ACTN3: variants seen among roughly 807,000 people sequenced by gnomAD.
ACTN3 encodes actinin alpha 3.
In ACTN3, 91 loss-of-function variants were observed where a neutral mutation model predicts 119.6. The observed-to-expected ratio is 0.76, with a 90% CI of 0.64 to 0.91. The LOEUF (loss-of-function observed/expected upper bound fraction) is 0.91. Among genes scored for constraint, ACTN3 ranks in the 40% least tolerant of loss-of-function variants. The pLI is 0.00. For synonymous variants in ACTN3, 456 were observed against 478.8 expected (o/e 0.95, Z 0.62); for missense variants, 1,221 against 1,215.1 (o/e 1.00, Z -0.07).
rs373559300 is a variant in ACTN3, at chr11:66,555,255, C to T, written c.637-31C>T. ...GCCCAAGGCCTCTGCCTGCAGCTGA[C>T]CTTTCACCCTCCTCCCTTACACCCT... On this transcript the variant is annotated intron_variant, in intron 6 of 20. Coordinates refer to ENST00000513398, the MANE Select transcript of ACTN3 (RefSeq NM_001104.4). 5 of 1,613,912 alleles carry T rather than the reference C, an allele frequency of 3.1e-6. No individual in the cohort carries two copies. The African/African-American group carries it at 6.7e-5, about 22-fold the overall frequency.
intron 9 of ACTN3, 94 bp from the exon 10 acceptor site, chr11:66,557,605 C>A: frequency 7.3e-7 from 1 of 1,366,166 alleles, no homozygotes; most frequent in Non-Finnish European, 1.0e-6. Context: ...CCCACCTACA[C>A]TCTGGCCACA....
chr11:66,551,602 T>G lies in ACTN3; in HGVS notation c.337T>G (p.Phe113Val). The G allele has an allele frequency of 6.2e-7, 1 of 1,614,070 alleles. No homozygotes were observed. Among genetic ancestry groups the G allele is most frequent in the African/African-American group, 1.3e-5 (1 of 75,060 alleles). The change falls in exon 3 of 21, where the codon TTC becomes GTC. Residue 113 changes from phenylalanine (F) to valine (V), a missense_variant. This residue lies in a region of ACTN3 where 239 missense variants were observed against 231.8 expected (regional missense o/e 1.03). Coordinates refer to ENST00000513398, the MANE Select transcript of ACTN3 (RefSeq NM_001104.4). ...KIANVNKALD[F>V]IASKGVKLVS... ...CGCCAACGTTAACAAGGCCCTGGAC[T>G]TCATTGCCAGCAAGGGGGTTAAACT...
In ACTN3 at chr11:66,562,146, C is replaced by T. The variant is rs1165609853; in HGVS notation, c.2300C>T (p.Ala767Val). 5 of 1,614,042 alleles carry T rather than the reference C, an allele frequency of 3.1e-6. No homozygotes were observed. ...CAGGAGCAGCTCAACGAGTTCCGAGCATCCTTCAACCACTTTGACAGGGTC... is the reference window on the plus strand; with the variant it reads ...CAGGAGCAGCTCAACGAGTTCCGAGTATCCTTCAACCACTTTGACAGGGTC... ...LSQEQLNEFR[A>V]SFNHFDRKQN... The change falls in exon 18 of 21, where the codon GCA (alanine) becomes GTA (valine). Residue 767 changes from alanine (A) to valine (V), a missense_variant. Physicochemically the swap from Ala to Val is moderately conservative, Grantham distance 64 (BLOSUM62 0). This residue lies in a region of ACTN3 where 934 missense variants were observed against 899.9 expected (regional missense o/e 1.04). Coordinates refer to ENST00000513398, the MANE Select transcript of ACTN3 (RefSeq NM_001104.4).
chr11:66,559,260 G>A lies in ACTN3; in HGVS notation c.1301G>A (p.Arg434His). The part of the protein sequence containing the change: ...TRGKEEMLSQ[R>H]DYDSALLQEV... ...GGAAAGGAGGAGATGCTGAGCCAGCGCGACTACGATTCGGCTTTGCTACAG... is the reference window on the plus strand; with the variant it reads ...GGAAAGGAGGAGATGCTGAGCCAGCACGACTACGATTCGGCTTTGCTACAG... Residue 434 changes from arginine to histidine, a missense_variant, in exon 12 of 21, where the codon CGC becomes CAC. Physicochemically the swap from Arg to His is conservative, Grantham distance 29. This residue lies in a region of ACTN3 where 934 missense variants were observed against 899.9 expected (regional missense o/e 1.04). Coordinates refer to ENST00000513398, the MANE Select transcript of ACTN3 (RefSeq NM_001104.4). 4 of 1,560,472 alleles carry A rather than the reference G, an allele frequency of 2.6e-6. No homozygotes were observed. In the South Asian group the frequency reaches 4.7e-5, roughly 18 times the overall value.
Position 66,556,164 on chromosome 11 carries a change from GC to G in ACTN3, c.740del (p.Pro247ArgfsTer7). The G allele has an allele frequency of 6.2e-7, 1 of 1,613,796 alleles. No individual in the cohort carries two copies. Among genetic ancestry groups the G allele is most frequent in the Non-Finnish European group, 8.5e-7 (1 of 1,179,850 alleles). ...DAEDIVNTPK[P>X]DEKAIMTYVS... ...CCCTAGACATTGTGAACACCCCAAA[GC>G]CGGATGAGAAGGCCATCATGACCTA... On this transcript the variant is annotated frameshift_variant, in exon 8 of 21. Transcript: ENST00000513398. LOFTEE classifies it high-confidence loss of function.
chr11:66,555,355 T>C lies in ACTN3; in HGVS notation c.706T>C (p.Leu236=), dbSNP rs61890370. Residue 236 remains leucine (L), a synonymous_variant, in exon 7 of 21, where the codon TTG becomes CTG. Transcript: ENST00000513398. ...GAAATACCTGGACATCCCCAAGATGTTGGATGCAGAAGGTGAGAGTGAGCT... is the reference window on the plus strand; with the variant it reads ...GAAATACCTGGACATCCCCAAGATGCTGGATGCAGAAGGTGAGAGTGAGCT... The part of the protein sequence containing the change: ...AEKYLDIPKM[L]DAEDIVNTPK... 5 of 1,613,984 alleles carry C rather than the reference T, an allele frequency of 3.1e-6. No homozygotes were observed. The highest frequency in any genetic ancestry group is 4.2e-6 in the Non-Finnish European group (5 of 1,180,000).
Position 66,561,556 on chromosome 11 carries a change from C to T in ACTN3, c.2094C>T (p.Asn698=). Residue 698 remains asparagine (N), a synonymous_variant, in exon 17 of 21, where the codon AAC becomes AAT. Transcript: ENST00000513398. ...QEQNIINYKT[N]IDRLEGDHQL... ...AGAACATTATCAACTACAAGACTAA[C>T]ATTGACCGGCTGGAGGGTGACCACC... 1.2e-6 allele frequency: 2 copies of T among 1,612,704 alleles called. No individual in the cohort carries two copies. The highest frequency in any genetic ancestry group is 1.7e-6 in the Non-Finnish European group (2 of 1,179,398).
chr11:66,549,732 C>CA (rs61393902), intron 1 of ACTN3, among the ~76,000 whole-genome samples: 32,931 of 43,758 alleles, frequency 0.75, 11,699 homozygotes, highest in South Asian at 0.91. Context: ...ACTCTGTCTC[C>CA]AAAAAAAAAA....
At chr11:66,561,784 C>A in intron 17 of ACTN3, 147 bp downstream of exon 17, 1 of 1,125,008 alleles carries the variant, frequency 8.9e-7, no homozygotes, top group Non-Finnish European at 1.2e-6. Flanking sequence ...TGGAAAGTGA[C>A]CCTTCCAGAG....
Position 66,560,707 on chromosome 11 carries a change from T to C in ACTN3, c.1812T>C (p.Asn604=). The change falls in exon 15 of 21, where the codon AAT becomes AAC. Residue 604 remains asparagine, a synonymous_variant. Coordinates refer to ENST00000513398, the MANE Select transcript of ACTN3 (RefSeq NM_001104.4). ...QTYGLRPCST[N]PYITLSPQDI... is the part of the protein sequence containing the mutation. ...ATGGGCTGCGGCCCTGCTCCACCAA[T>C]CCCTACATCACCCTCAGCCCGCAGG... The C allele has an allele frequency of 1.2e-6, 2 of 1,613,718 alleles. No homozygotes were observed. Among genetic ancestry groups the C allele is most frequent in the Non-Finnish European group, 1.7e-6 (2 of 1,179,798 alleles).
In ACTN3 at chr11:66,560,611, G is replaced by A; in HGVS notation, c.1716G>A (p.Leu572=). The change falls in exon 15 of 21, where the codon CTG becomes CTA. Residue 572 remains leucine, a synonymous_variant. Coordinates refer to ENST00000513398, the MANE Select transcript of ACTN3 (RefSeq NM_001104.4). ...LTAHDQFKAT[L]PEADRERGAI... ...CGCACGATCAGTTCAAGGCAACACT[G>A]CCCGAGGCTGACCGAGAGCGAGGTG... is the stretch of plus-strand genomic sequence containing the variant. 6.2e-7 allele frequency: 1 copy of A among 1,613,548 alleles called. No homozygotes were observed. The highest frequency in any genetic ancestry group is 8.5e-7 in the Non-Finnish European group (1 of 1,179,864).
intron 11 of ACTN3, 113 bp downstream of exon 11, chr11:66,558,287 A>G: frequency 1.4e-6 from 2 of 1,451,532 alleles, no homozygotes; most frequent in Non-Finnish European, 1.8e-6. Context: ...GGTGCTCTGC[A>G]GGAAAGCCAG....
At chr11:66,558,309 C>A in intron 11 of ACTN3, 135 bp downstream of exon 11, 1 of 1,310,164 alleles carries the variant, frequency 7.6e-7, no homozygotes, top group Non-Finnish European at 1.0e-6. Context: ...GACTGGATTT[C>A]TAGTCCCACC....
chr11:66,551,752 A>C (rs1250047878), intron 3 of ACTN3, 105 bp downstream of exon 3: 1 of 1,499,300 alleles, frequency 6.7e-7, no homozygotes, highest in Non-Finnish European at 9.0e-7. Flanking sequence ...CAATGAGAAT[A>C]ATCCCTGCCT....
In ACTN3 at chr11:66,563,261, CCT is replaced by C; in HGVS notation, c.*70_*71del. The C allele has an allele frequency of 6.6e-7, 1 of 1,508,150 alleles. No individual in the cohort carries two copies. The highest frequency in any genetic ancestry group is 2.3e-5 in the East Asian group (1 of 43,464). The allele number at this position is 1,508,150 out of a possible 1,614,324, so 93.4% of individuals were successfully genotyped here. ...CACCCTGTGGCTGATCCCATCCGTCCCTCGGAGCAAGGGCCTAAGAGAAAAGC... is the reference window on the plus strand; with the variant it reads ...CACCCTGTGGCTGATCCCATCCGTCCCGGAGCAAGGGCCTAAGAGAAAAGC... On this transcript the variant is annotated 3_prime_UTR_variant, in exon 21 of 21. Transcript: ENST00000513398.
At chr11:66,555,818 G>A (rs989967833) in intron 7 of ACTN3, among the ~76,000 whole-genome samples, 4 of 152,222 alleles carry the variant, frequency 2.6e-5, no homozygotes, top group Admixed American at 2.6e-4. Flanking sequence ...GGACTTGGGG[G>A]AAAGACACAC....
In ACTN3 at chr11:66,555,222, C is replaced by T. The variant is rs771649797; in HGVS notation, c.636+14C>T. 2.4e-5 allele frequency: 39 copies of T among 1,613,988 alleles called. No homozygotes were observed. Among genetic ancestry groups the T allele is most frequent in the Non-Finnish European group, 3.3e-5 (39 of 1,179,896 alleles). On this transcript the variant is annotated intron_variant, in intron 6 of 20. Coordinates refer to ENST00000513398, the MANE Select transcript of ACTN3 (RefSeq NM_001104.4). Reference sequence around the variant, plus strand: ...AAACTGCGAAAGGTAGAGGCCCCCACCACCCCAGCCCAAGGCCTCTGCCTG... The same window carrying T: ...AAACTGCGAAAGGTAGAGGCCCCCATCACCCCAGCCCAAGGCCTCTGCCTG...
At position 66,551,877 on chromosome 11, in the gene ACTN3, A is replaced by T. The variant is rs144785164; in HGVS notation, c.382+230A>T. Among the ~76,000 whole-genome samples, 283 of 151,944 alleles carry T rather than the reference A, an allele frequency of 1.9e-3. 1 individual carries two copies. The highest frequency in any genetic ancestry group is 3.3e-3 in the Admixed American group (51 of 15,278). ...GACTGCTTGAGGCTAGGAGTTTGAG[A>T]CCAGCCTGGCCAACATGGCAAAACC... On this transcript the variant is annotated intron_variant, in intron 3 of 20. Coordinates refer to ENST00000513398, the MANE Select transcript of ACTN3 (RefSeq NM_001104.4).
intron 12 of ACTN3, among the ~76,000 whole-genome samples, chr11:66,559,618 C>T (rs1324745645): frequency 6.6e-6 from 1 of 151,660 alleles, no homozygotes; most frequent in Non-Finnish European, 1.5e-5. Context: ...TGTCTCACTC[C>T]GTGACCTGCC....
Sources: allele counts gnomAD v4.1 joint callset (sites outside exome capture counted in the v4.1 genomes callset), GRCh38; gene constraint gnomAD v4.1.1; regional missense constraint gnomAD v4.1.1; transcripts MANE v1.5; gene names NCBI Gene and HGNC (gene_info 2026-07-23, HGNC 2026-07-21).